COL23A1: variants seen among roughly 807,000 people sequenced by gnomAD.
The protein encoded by COL23A1 is collagen alpha-1(XXIII) chain.
A neutral mutation model predicts 99.3 loss-of-function variants in COL23A1; 97 were observed. That is an observed-to-expected ratio of 0.98 (90% CI 0.83 to 1.16). The LOEUF (loss-of-function observed/expected upper bound fraction) is 1.16, where lower values mean the gene tolerates loss of function less well. Ranked by LOEUF, COL23A1 falls within the 50% of genes most tolerant of loss-of-function variation. The pLI is 0.00. For synonymous variants in COL23A1, 320 were observed against 308.2 expected, an observed-to-expected ratio of 1.04 and a Z score of -0.40; for missense variants, 762 against 757.4, an observed-to-expected ratio of 1.01 and a Z score of -0.07.
intron 2 of COL23A1, among the ~76,000 whole-genome samples, chr5:178,383,679 G>A (rs946442886): frequency 2.0e-5 from 3 of 152,184 alleles, no homozygotes; most frequent in Admixed American, 2.0e-4. Context: ...TGGAGCTGGA[G>A]CATCGTTCTC....
intron 2 of COL23A1, among the ~76,000 whole-genome samples, chr5:178,426,368 CGTTTTTCT>C (rs1253906909): frequency 1.3e-5 from 2 of 152,212 alleles, no homozygotes; most frequent in African/African-American, 4.8e-5. Context: ...AGATGACCCA[CGTTTTTCT>C]GTGTTGCTTC....
At position 178,434,330 on chromosome 5, in the gene COL23A1, A is replaced by C. The variant is rs1051922213; in HGVS notation, c.361+126352T>G. 6.6e-6 allele frequency among the ~76,000 whole-genome samples: 1 copy of C among 152,160 alleles called. No individual in the cohort carries two copies. The highest frequency in any genetic ancestry group is 1.5e-5 in the Non-Finnish European group (1 of 68,028). ...CTCACGTACTCACTGGCCCCGAGGC[A>C]CTGTTCTCCAGGACAGATGCAGCAA... is the stretch of plus-strand genomic sequence containing the variant. On this transcript the variant is annotated intron_variant, in intron 2 of 28. Transcript: ENST00000390654. This position sits in a 1 kb window ranked among gnomAD's most constrained non-coding sequence, Gnocchi z 4.3.
In COL23A1 at chr5:178,343,990, C is replaced by T. The variant is rs556534248; in HGVS notation, c.362-37071G>A. On this transcript the variant is annotated intron_variant, in intron 2 of 28. Coordinates refer to ENST00000390654, the MANE Select transcript of COL23A1 (RefSeq NM_173465.4). ...ATGTTTTTTAAAAGACCATTCTGAA[C>T]CCAAATTTCTCTCTTCTCCAAAAGT... Among the ~76,000 whole-genome samples the T allele has an allele frequency of 6.7e-4, 102 of 152,090 alleles. 1 individual carries two copies. The highest frequency in any genetic ancestry group is 1.2e-3 in the Non-Finnish European group (79 of 68,028).
At chr5:178,480,261 C>A (rs1757262971) in intron 2 of COL23A1, among the ~76,000 whole-genome samples, 1 of 152,064 alleles carries the variant, frequency 6.6e-6, no homozygotes, top group Non-Finnish European at 1.5e-5. Flanking sequence ...TTCTCCAAAC[C>A]AAACCAAACT....
intron 3 of COL23A1, among the ~76,000 whole-genome samples, chr5:178,293,593 G>A (rs1180322752): frequency 6.6e-6 from 1 of 151,998 alleles, no homozygotes; most frequent in Admixed American, 6.6e-5. Flanking sequence ...TAATCTGCAC[G>A]CACTGGAGTG....
intron 2 of COL23A1, among the ~76,000 whole-genome samples, chr5:178,358,366 G>C (rs1314462808): frequency 2.0e-5 from 3 of 150,560 alleles, no homozygotes; most frequent in East Asian, 4.0e-4. Context: ...ATGTGTATGT[G>C]TACGTGTGTA....
intron 3 of COL23A1, among the ~76,000 whole-genome samples, chr5:178,292,350 T>C (rs1757506431): frequency 6.6e-6 from 1 of 152,236 alleles, no homozygotes; most frequent in Non-Finnish European, 1.5e-5. Context: ...CTACGGTCCC[T>C]CTGGATCTTA....
At chr5:178,584,075 C>G (rs1763795546) in intron 1 of COL23A1, among the ~76,000 whole-genome samples, 1 of 152,252 alleles carries the variant, frequency 6.6e-6, no homozygotes, top group Non-Finnish European at 1.5e-5. Context: ...GAGTACAGTG[C>G]CATGATCTTG....
intron 1 of COL23A1, among the ~76,000 whole-genome samples, chr5:178,570,107 TTTTTC>T (rs1450471368): frequency 7.8e-5 from 10 of 127,664 alleles, no homozygotes; most frequent in Middle Eastern, 7.6e-3. Flanking sequence ...TTTCTTTTTC[TTTTTC>T]TTTTTTTTTT....
chr5:178,423,270 G>A (rs1765732204), intron 2 of COL23A1, among the ~76,000 whole-genome samples: 1 of 152,096 alleles, frequency 6.6e-6, no homozygotes, highest in African/African-American at 2.4e-5. Flanking sequence ...CAGGGATGAA[G>A]CACTGGGTCC....
At chr5:178,518,691 C>T (rs1417243256) in intron 2 of COL23A1, among the ~76,000 whole-genome samples, 21 of 144,480 alleles carry the variant, frequency 1.5e-4, no homozygotes, top group Non-Finnish European at 1.6e-4. Flanking sequence ...TCCTCACATC[C>T]CAGACGATGG....
At chr5:178,561,504 T>A (rs1762558572) in intron 1 of COL23A1, among the ~76,000 whole-genome samples, 1 of 152,150 alleles carries the variant, frequency 6.6e-6, no homozygotes, top group Non-Finnish European at 1.5e-5. Context: ...TGGGCACCCC[T>A]GAGGCCAGAA....
intron 2 of COL23A1, among the ~76,000 whole-genome samples, chr5:178,414,540 G>A (rs28645289): frequency 0.12 from 18,838 of 152,178 alleles, 1,267 homozygotes; most frequent in Non-Finnish European, 0.16. Context: ...GGGAGGCCGA[G>A]GTGGGCAGAT....
chr5:178,353,365 A>T (rs944026617), intron 2 of COL23A1, among the ~76,000 whole-genome samples: 1 of 152,154 alleles, frequency 6.6e-6, no homozygotes, highest in Non-Finnish European at 1.5e-5. Flanking sequence ...TATATTGAAA[A>T]TTTTTTTCAT....
intron 1 of COL23A1, among the ~76,000 whole-genome samples, chr5:178,572,429 A>C (rs1763156144): frequency 6.6e-6 from 1 of 151,904 alleles, no homozygotes; most frequent in Admixed American, 6.6e-5. Flanking sequence ...AATCACAATG[A>C]AACCCAAGCA....
intron 2 of COL23A1, among the ~76,000 whole-genome samples, chr5:178,342,187 C>A (rs184195866): frequency 6.6e-6 from 1 of 152,166 alleles, no homozygotes; most frequent in Non-Finnish European, 1.5e-5. Context: ...ACATGGCCCA[C>A]GATGGAGGAA....
intron 2 of COL23A1, among the ~76,000 whole-genome samples, chr5:178,449,049 T>C (rs748375399): frequency 2.0e-5 from 3 of 151,934 alleles, no homozygotes; most frequent in Non-Finnish European, 2.9e-5. Flanking sequence ...CAGGCTGGAG[T>C]GCAGTGTTAC....
At chr5:178,490,620 T>A (rs1290643080) in intron 2 of COL23A1, among the ~76,000 whole-genome samples, 2 of 151,860 alleles carry the variant, frequency 1.3e-5, no homozygotes, top group Non-Finnish European at 2.9e-5. Context: ...AAAAAATCTT[T>A]AAAAAAATTA....
chr5:178,429,708 A>C (rs1766151313), intron 2 of COL23A1, among the ~76,000 whole-genome samples: 1 of 148,628 alleles, frequency 6.7e-6, no homozygotes, highest in Non-Finnish European at 1.5e-5. Flanking sequence ...CATTTTCCAC[A>C]TTGACGCCAG....
Sources: gnomAD v4.1 joint callset for allele counts (sites outside exome capture counted in the v4.1 genomes callset) on GRCh38, gnomAD v4.1.1 for gene constraint, Gnocchi (gnomAD v3.1) non-coding constraint, MANE v1.5 for transcripts, NCBI Gene and HGNC (gene_info 2026-07-23, HGNC 2026-07-21) for gene names.